The following ZNF423 variants were observed in gnomAD, a reference collection of about 807,000 sequenced individuals.
ZNF423 encodes zinc finger protein 423, also known as Ebf-associated zinc finger protein.
A neutral mutation model predicts 95.8 loss-of-function variants in ZNF423; 12 were observed. That is an observed-to-expected ratio of 0.13 (90% CI 0.08 to 0.20). The LOEUF (loss-of-function observed/expected upper bound fraction) is 0.20. Ranked by LOEUF, ZNF423 falls within the 10% of genes least tolerant of loss-of-function variation. The pLI, the probability that ZNF423 is intolerant of heterozygous loss-of-function variation, is 1.00. For synonymous variants in ZNF423, 749 were observed against 711.9 expected, an observed-to-expected ratio of 1.05 and a Z score of -0.83; for missense variants, 1,316 against 1,737.1, an observed-to-expected ratio of 0.76 and a Z score of 4.31.
At chr16:49,853,529 C>A (rs1268742269) in intron 1 of ZNF423, 1 of 683,538 alleles carries the variant, frequency 1.5e-6, no homozygotes, top group Admixed American at 6.3e-5. Flanking sequence ...ACTCTGCGGA[C>A]AGAAAGGCTC....
rs1971431810 is a variant in ZNF423 at position 49,603,204 on chromosome 16, A to G, written c.3601+22966T>C. ...ATCTCTGGCAGGGCCGCCAGGGACC[A>G]CAATGTAAATGGTGTCCCCTAGAGT... is the stretch of plus-strand genomic sequence containing the variant. On this transcript the variant is annotated intron_variant, in intron 5 of 7. Transcript: ENST00000563137. The surrounding 1 kb of genome is among the most constrained non-coding windows in gnomAD (Gnocchi z 4.1). Among the ~76,000 whole-genome samples, 1 of 152,190 alleles carries G rather than the reference A, an allele frequency of 6.6e-6. No individual in the cohort carries two copies. The highest frequency in any genetic ancestry group is 1.5e-5 in the Non-Finnish European group (1 of 68,028).
chr16:49,597,719 C>T (rs1971229817), intron 5 of ZNF423, among the ~76,000 whole-genome samples: 1 of 152,124 alleles, frequency 6.6e-6, no homozygotes, highest in African/African-American at 2.4e-5. Context: ...GATTCTAGAG[C>T]TCTGCAGTTC....
At chr16:49,811,119 G>A (rs944171953) in intron 1 of ZNF423, among the ~76,000 whole-genome samples, 2 of 152,194 alleles carry the variant, frequency 1.3e-5, no homozygotes, top group Non-Finnish European at 2.9e-5. Flanking sequence ...GCCTCAAGGG[G>A]TCAAACCGGG....
chr16:49,789,609 C>T (rs1053100436), intron 1 of ZNF423, 63 bp from the exon 2 acceptor site: 1 of 1,534,758 alleles, frequency 6.5e-7, no homozygotes, highest in African/African-American at 1.4e-5. Context: ...TCAGGTAAGG[C>T]ACAGGGCGAG....
chr16:49,814,897 G>A (rs1296363898), intron 1 of ZNF423, among the ~76,000 whole-genome samples: 3 of 152,056 alleles, frequency 2.0e-5, no homozygotes, highest in Non-Finnish European at 2.9e-5. Context: ...GACAGGAGGC[G>A]GTCAGGTCTC....
intron 1 of ZNF423, among the ~76,000 whole-genome samples, chr16:49,839,769 G>T (rs533771461): frequency 1.3e-4 from 20 of 152,114 alleles, no homozygotes; most frequent in Non-Finnish European, 2.2e-4. Flanking sequence ...AGGGTGAAGA[G>T]ACAGAGGCTC....
At chr16:49,596,952 C>G (rs1971200415) in intron 5 of ZNF423, among the ~76,000 whole-genome samples, 2 of 152,220 alleles carry the variant, frequency 1.3e-5, no homozygotes, top group Admixed American at 6.5e-5. Flanking sequence ...AGAAGGATGC[C>G]TGGGGTTTCG....
intron 1 of ZNF423, among the ~76,000 whole-genome samples, chr16:49,809,744 G>A (rs1597029687): frequency 1.3e-5 from 2 of 152,168 alleles, no homozygotes; most frequent in African/African-American, 4.8e-5. Context: ...ACTTCTGATG[G>A]CCTCCAAAGT....
chr16:49,638,550 G>A lies in ZNF423; in HGVS notation c.626C>T (p.Ala209Val). 6.2e-7 allele frequency: 1 copy of A among 1,613,812 alleles called. No individual in the cohort carries two copies. The highest frequency in any genetic ancestry group is 8.5e-7 in the Non-Finnish European group (1 of 1,180,040). Residue 209 changes from alanine (A) to valine (V), a missense_variant, in exon 4 of 8, where the codon GCA becomes GTA. Around this residue, in one of 6 missense-constraint regions of ZNF423, gnomAD observed 58 missense variants for 116.9 expected, o/e 0.50. Transcript: ENST00000563137. The surrounding 1 kb of genome is among the most constrained non-coding windows in gnomAD (Gnocchi z 5.6). The part of the protein sequence containing the change: ...DKKYHCHECE[A>V]AFSRSDHLKI... Reference sequence around the variant, plus strand: ...GAGGTGGTCGCTGCGGGAGAAGGCTGCCTCGCACTCGTGGCAGTGATACTT... The same window carrying A: ...GAGGTGGTCGCTGCGGGAGAAGGCTACCTCGCACTCGTGGCAGTGATACTT...
rs1336522152 is a variant in ZNF423, at chr16:49,492,866, G to A, written c.3850-1562C>T. On this transcript the variant is annotated intron_variant, in intron 7 of 7. Coordinates refer to ENST00000563137, the MANE Select transcript of ZNF423 (RefSeq NM_001379286.1). The surrounding 1 kb of genome is among the most constrained non-coding windows in gnomAD (Gnocchi z 4.2). ...AGGTCACCCAGGTTGGAAGCACCGGGCACTGAACCAGATGGCTGGAATCCA... is the reference window on the plus strand; with the variant it reads ...AGGTCACCCAGGTTGGAAGCACCGGACACTGAACCAGATGGCTGGAATCCA... Among the ~76,000 whole-genome samples the A allele has an allele frequency of 6.6e-6, 1 of 152,172 alleles. No homozygotes were observed. The highest frequency in any genetic ancestry group is 1.5e-5 in the Non-Finnish European group (1 of 68,022).
At chr16:49,594,706 C>A (rs1317299288) in intron 5 of ZNF423, among the ~76,000 whole-genome samples, 1 of 152,178 alleles carries the variant, frequency 6.6e-6, no homozygotes, top group African/African-American at 2.4e-5. Flanking sequence ...CATCTAAACC[C>A]ATAAACAGAA....
chr16:49,575,410 C>G (rs1970465665), intron 5 of ZNF423, among the ~76,000 whole-genome samples: 1 of 152,150 alleles, frequency 6.6e-6, no homozygotes, highest in Non-Finnish European at 1.5e-5. Context: ...AGCAGTTTCC[C>G]CTCCTACTTG....
intron 3 of ZNF423, among the ~76,000 whole-genome samples, chr16:49,676,613 AC>A (rs2031060432): frequency 6.6e-6 from 1 of 151,976 alleles, no homozygotes; most frequent in Admixed American, 6.6e-5. Flanking sequence ...GCAGCCACAA[AC>A]AACTGTTCTT....
intron 5 of ZNF423, among the ~76,000 whole-genome samples, chr16:49,622,696 G>A (rs1217711024): frequency 6.6e-6 from 1 of 152,150 alleles, no homozygotes; most frequent in Non-Finnish European, 1.5e-5. Context: ...CACAATGGAG[G>A]GACCCTAGCT....
intron 5 of ZNF423, among the ~76,000 whole-genome samples, chr16:49,536,401 T>C (rs372100519): frequency 2.0e-5 from 3 of 150,478 alleles, no homozygotes; most frequent in African/African-American, 4.9e-5. Flanking sequence ...TAGTAGTTAC[T>C]GGCCACCTGT....
intron 5 of ZNF423, among the ~76,000 whole-genome samples, chr16:49,569,202 T>G (rs1200929495): frequency 6.6e-6 from 1 of 152,184 alleles, no homozygotes; most frequent in African/African-American, 2.4e-5. Flanking sequence ...TCTAACCAGT[T>G]TCCCCCCTTC....
At chr16:49,613,683 C>T (rs372882190) in intron 5 of ZNF423, among the ~76,000 whole-genome samples, 2 of 152,188 alleles carry the variant, frequency 1.3e-5, no homozygotes, top group Admixed American at 6.5e-5. Context: ...CCAGCCTGGT[C>T]GACAGAGCTA....
intron 7 of ZNF423, among the ~76,000 whole-genome samples, chr16:49,495,483 C>A (rs1967126680): frequency 6.6e-6 from 1 of 152,228 alleles, no homozygotes; most frequent in Admixed American, 6.5e-5. Flanking sequence ...ACACCCTCAG[C>A]CTCTGGAAGG....
rs892737161 is a variant in ZNF423 at position 49,635,451 on chromosome 16, T to G, written c.3516+209A>C. On this transcript the variant is annotated intron_variant, in intron 4 of 7. Transcript: ENST00000563137. This position sits in a 1 kb window ranked among gnomAD's most constrained non-coding sequence, Gnocchi z 4.8. ...ATTTGACAAATGAGACCCAGAGAGA[T>G]AAATAACATGAGCCCATCACATGGC... Among the ~76,000 whole-genome samples, 1 of 152,204 alleles carries G rather than the reference T, an allele frequency of 6.6e-6. No individual in the cohort carries two copies. The highest frequency in any genetic ancestry group is 1.9e-4 in the East Asian group (1 of 5,186).
Sources: gnomAD v4.1 joint callset for allele counts (sites outside exome capture counted in the v4.1 genomes callset) on GRCh38, gnomAD v4.1.1 for gene constraint, gnomAD v4.1.1 regional missense constraint, Gnocchi (gnomAD v3.1) non-coding constraint, MANE v1.5 for transcripts, NCBI Gene and HGNC (gene_info 2026-07-23, HGNC 2026-07-21) for gene names.